PPP3CB: variants seen among roughly 807,000 people sequenced by gnomAD.
The protein encoded by PPP3CB is protein phosphatase 3 catalytic subunit beta.
In PPP3CB, 8 loss-of-function variants were observed where a neutral mutation model predicts 66.4. That is an observed-to-expected ratio of 0.12 (90% CI 0.07 to 0.22). PPP3CB has a LOEUF of 0.22. PPP3CB is among the 10% of genes least tolerant of loss of function. PPP3CB has a pLI of 1.00. For missense variants in PPP3CB, 319 were observed against 642.5 expected, an observed-to-expected ratio of 0.50 and a Z score of 5.44; for synonymous variants, 208 against 221.2, an observed-to-expected ratio of 0.94 and a Z score of 0.53.
At chr10:73,443,135 G>C (rs2056176778) in intron 12 of PPP3CB, among the ~76,000 whole-genome samples, 2 of 151,708 alleles carry the variant, frequency 1.3e-5, no homozygotes, top group African/African-American at 4.8e-5. Context: ...GGAGGTTGAG[G>C]CTGCACTGCA....
chr10:73,444,553 TG>T, intron 12 of PPP3CB, 171 bp downstream of exon 12: 1 of 1,540,646 alleles, frequency 6.5e-7, no homozygotes, highest in Non-Finnish European at 8.8e-7. Flanking sequence ...TTTTCTGCCC[TG>T]ATCAGGTATT....
chr10:73,490,446 C>T (rs1004199300), intron 1 of PPP3CB, among the ~76,000 whole-genome samples: 2 of 152,172 alleles, frequency 1.3e-5, no homozygotes, highest in African/African-American at 4.8e-5. Flanking sequence ...TGCTATTTCA[C>T]GACTGTGATG....
chr10:73,472,223 G>A (rs1321232740), intron 4 of PPP3CB, among the ~76,000 whole-genome samples: 5 of 152,196 alleles, frequency 3.3e-5, no homozygotes, highest in African/African-American at 9.7e-5. Context: ...GGCCAGGCAC[G>A]GTGGCTCACG....
In PPP3CB at chr10:73,438,037, T is replaced by G; in HGVS notation, c.*205A>C. On this transcript the variant is annotated 3_prime_UTR_variant, in exon 14 of 14. Coordinates refer to ENST00000360663, the MANE Select transcript of PPP3CB (RefSeq NM_021132.4). ...GCCCCTTGCTCACTGCTCTCCACCT[T>G]GGCAGCGATGACCCAATCTTATCAG... The G allele has an allele frequency of 2.1e-6, 1 of 480,248 alleles. No individual in the cohort carries two copies. Among genetic ancestry groups the G allele is most frequent in the Non-Finnish European group, 3.6e-6 (1 of 279,378 alleles). 29.7% of individuals were successfully genotyped at this position (480,248 alleles called of 1,614,324 possible).
Position 73,438,266 on chromosome 10 carries a change from C to T in PPP3CB, c.1551G>A (p.Gly517=). ...GTCACTGGGCAGTATGGTTGCCCGT[C>T]CCGTGGTTCTCAGTGGCATGTGCGG... ...LNTAHATENH[G]TGNHTAQ is the part of the protein sequence containing the mutation. Residue 517 remains glycine (G), a synonymous_variant, in exon 14 of 14, where the codon GGG becomes GGA. Transcript: ENST00000360663. 6.2e-7 allele frequency: 1 copy of T among 1,614,004 alleles called. No homozygotes were observed. The highest frequency in any genetic ancestry group is 8.5e-7 in the Non-Finnish European group (1 of 1,179,968).
chr10:73,487,973 G>T (rs1402163002), intron 1 of PPP3CB, among the ~76,000 whole-genome samples: 1 of 151,692 alleles, frequency 6.6e-6, no homozygotes, highest in Non-Finnish European at 1.5e-5. Context: ...TAGAGACGGG[G>T]TTTCACCATG....
At chr10:73,494,814 A>T (rs77810085) in intron 1 of PPP3CB, among the ~76,000 whole-genome samples, 7,100 of 152,288 alleles carry the variant, frequency 0.047, 511 homozygotes, top group African/African-American at 0.15. Context: ...AATACAATAC[A>T]AATAAGGAAA....
At chr10:73,486,327 C>T (rs1471690072) in intron 1 of PPP3CB, among the ~76,000 whole-genome samples, 2 of 118,828 alleles carry the variant, frequency 1.7e-5, no homozygotes, top group Admixed American at 9.6e-5. Flanking sequence ...TCTTCTGAGA[C>T]GGAGTTTTGC....
intron 1 of PPP3CB, among the ~76,000 whole-genome samples, chr10:73,489,628 G>A (rs1271029778): frequency 6.6e-6 from 1 of 152,130 alleles, no homozygotes; most frequent in Non-Finnish European, 1.5e-5. Flanking sequence ...TTAAGTAGTA[G>A]AGCTAGGATT....
At chr10:73,465,244 G>T (rs2056600342) in intron 9 of PPP3CB, among the ~76,000 whole-genome samples, 1 of 152,068 alleles carries the variant, frequency 6.6e-6, no homozygotes, top group African/African-American at 2.4e-5. Context: ...TAGAGACAGG[G>T]TTTTGCTATA....
chr10:73,458,510 AT>A (rs1367798563), intron 9 of PPP3CB, among the ~76,000 whole-genome samples: 4 of 152,066 alleles, frequency 2.6e-5, no homozygotes, highest in African/African-American at 9.7e-5. Flanking sequence ...TTGAAAATAT[AT>A]TCATCCTCGG....
intron 3 of PPP3CB, among the ~76,000 whole-genome samples, chr10:73,476,460 T>C (rs1046402699): frequency 6.6e-6 from 1 of 151,782 alleles, no homozygotes; most frequent in African/African-American, 2.4e-5. Context: ...CTATTAAAAA[T>C]ACAAAAACTA....
chr10:73,478,616 AC>A lies in PPP3CB; in HGVS notation c.293del (p.Gly98ValfsTer10). 6.2e-7 allele frequency: 1 copy of A among 1,609,954 alleles called. No individual in the cohort carries two copies. The highest frequency in any genetic ancestry group is 8.5e-7 in the Non-Finnish European group (1 of 1,178,490). On this transcript the variant is annotated frameshift_variant, in exon 3 of 14. Coordinates refer to ENST00000360663, the MANE Select transcript of PPP3CB (RefSeq NM_021132.4). LOFTEE classifies it high-confidence loss of function. ...GATCAAAAAATTGGCCATGGATGTC[AC>A]CACACACTGAAACAAGAAGATTATT... ...IEVEAPITVC[G>X]DIHGQFFDLM...
chr10:73,472,658 A>G (rs1029837331), intron 4 of PPP3CB, among the ~76,000 whole-genome samples: 3 of 152,068 alleles, frequency 2.0e-5, no homozygotes, highest in African/African-American at 7.3e-5. Context: ...ATTACAGGCA[A>G]GATGACTACA....
At chr10:73,460,403 G>A (rs1277984200) in intron 9 of PPP3CB, among the ~76,000 whole-genome samples, 1 of 151,816 alleles carries the variant, frequency 6.6e-6, no homozygotes, top group East Asian at 1.9e-4. Flanking sequence ...TGAAGATATA[G>A]AGGACATAAA....
At chr10:73,473,913 C>T (rs2056743149) in intron 4 of PPP3CB, among the ~76,000 whole-genome samples, 1 of 152,148 alleles carries the variant, frequency 6.6e-6, no homozygotes, top group South Asian at 2.1e-4. Flanking sequence ...AAATGATCTG[C>T]AATGGTAACA....
chr10:73,489,244 G>C (rs2057034135), intron 1 of PPP3CB, among the ~76,000 whole-genome samples: 1 of 152,050 alleles, frequency 6.6e-6, no homozygotes, highest in African/African-American at 2.4e-5. Flanking sequence ...GTCGTATCTA[G>C]TTTTTCATGC....
chr10:73,448,059 G>C lies in PPP3CB; in HGVS notation c.1187-1486C>G, dbSNP rs115397053. 5.7e-3 allele frequency among the ~76,000 whole-genome samples: 872 copies of C among 152,272 alleles called. 5 individuals are homozygous for C. Among genetic ancestry groups the C allele is most frequent in the African/African-American group, 0.02 (835 of 41,564 alleles). ...TTGTTCAAGGATAGAAGGTAAGTCT[G>C]ATTCTCTTCTAATAAATGATTATAA... On this transcript the variant is annotated intron_variant, in intron 10 of 13. Transcript: ENST00000360663.
intron 8 of PPP3CB, among the ~76,000 whole-genome samples, chr10:73,469,337 G>A (rs557745599): frequency 6.6e-6 from 1 of 152,306 alleles, no homozygotes; most frequent in African/African-American, 2.4e-5. Flanking sequence ...GAAGTCAGGA[G>A]TTCAAGACAA....
Sources: allele counts gnomAD v4.1 joint callset (sites outside exome capture counted in the v4.1 genomes callset), GRCh38; gene constraint gnomAD v4.1.1; transcripts MANE v1.5; gene names NCBI Gene and HGNC (gene_info 2026-07-23, HGNC 2026-07-21).